The following RAPGEF2 variants were observed in gnomAD, a reference collection of about 807,000 sequenced individuals.
The protein encoded by RAPGEF2 is PDZ domain containing guanine nucleotide exchange factor (GEF) 1.
RAPGEF2 carries 54 observed loss-of-function variants against 186.7 expected under a neutral mutation model. The ratio of observed to expected loss-of-function variants is 0.29; its 90% CI spans 0.23 to 0.36. The LOEUF (loss-of-function observed/expected upper bound fraction) is 0.36, where lower values mean the gene tolerates loss of function less well. RAPGEF2 is among the 10% of genes least tolerant of loss of function. The pLI is 1.00. For synonymous variants in RAPGEF2, 712 were observed against 705.9 expected (o/e 1.01, Z -0.14); for missense variants, 1,532 against 2,045.0 (o/e 0.75, Z 4.84).
intron 11 of RAPGEF2, among the ~76,000 whole-genome samples, chr4:159,326,318 T>G (rs1765915099): frequency 6.6e-6 from 1 of 152,224 alleles, no homozygotes; most frequent in Non-Finnish European, 1.5e-5. Context: ...ATGCATAAAA[T>G]AGCCTCCATG....
intron 7 of RAPGEF2, among the ~76,000 whole-genome samples, chr4:159,251,035 T>A (rs1012815236): frequency 6.6e-6 from 1 of 152,170 alleles, no homozygotes; most frequent in Non-Finnish European, 1.5e-5. Context: ...CCGGTGCTGC[T>A]GGCCAGGGCA....
At chr4:159,334,630 A>T (rs1432804310) in intron 17 of RAPGEF2, among the ~76,000 whole-genome samples, 4 of 152,080 alleles carry the variant, frequency 2.6e-5, no homozygotes, top group African/African-American at 9.7e-5. Context: ...AAGAACCTTT[A>T]AAAAAAAGTT....
In RAPGEF2 at chr4:159,332,051, C is replaced by A. The variant is rs1369352648; in HGVS notation, c.1888+17C>A. The stretch of plus-strand genomic sequence containing the variant: ...ATTTATTTGGTAAGTATTTTGCATA[C>A]TTTTCATTTTTCTCCTTTTGGCCTT... On this transcript the variant is annotated intron_variant, in intron 16 of 29. Coordinates refer to ENST00000691494, the MANE Select transcript of RAPGEF2 (RefSeq NM_001394067.2). 2 of 1,511,830 alleles carry A rather than the reference C, an allele frequency of 1.3e-6. No individual in the cohort carries two copies. The highest frequency in any genetic ancestry group is 2.4e-5 in the South Asian group (2 of 82,120). 93.7% of individuals were successfully genotyped at this position (1,511,830 alleles called of 1,614,324 possible).
intron 1 of RAPGEF2, among the ~76,000 whole-genome samples, chr4:159,142,648 T>C (rs1742481126): frequency 1.3e-5 from 2 of 152,122 alleles, no homozygotes; most frequent in African/African-American, 4.8e-5. Context: ...AAATATATGT[T>C]TTAACATATA....
intron 13 of RAPGEF2, 190 bp downstream of exon 13, chr4:159,330,688 T>G (rs968856065): frequency 4.0e-6 from 2 of 498,962 alleles, no homozygotes; most frequent in Non-Finnish European, 6.9e-6. Flanking sequence ...CTTAGAAATA[T>G]GAACAAAATA....
chr4:159,129,152 C>T (rs1446404493), intron 1 of RAPGEF2, among the ~76,000 whole-genome samples: 2 of 151,610 alleles, frequency 1.3e-5, no homozygotes, highest in African/African-American at 4.8e-5. Context: ...GAATAAGAAT[C>T]TTGAATAGAA....
At chr4:159,127,284 C>T (rs1740451424) in intron 1 of RAPGEF2, among the ~76,000 whole-genome samples, 1 of 152,192 alleles carries the variant, frequency 6.6e-6, no homozygotes, top group Non-Finnish European at 1.5e-5. Flanking sequence ...GCCTTGGCCT[C>T]CCAAAGTGCT....
chr4:159,277,861 C>T (rs1355027417), intron 7 of RAPGEF2, among the ~76,000 whole-genome samples: 1 of 152,096 alleles, frequency 6.6e-6, no homozygotes, highest in Non-Finnish European at 1.5e-5. Context: ...AAAATTTTCT[C>T]CCGTTCTGTA....
chr4:159,124,786 T>C (rs1740101013), intron 1 of RAPGEF2, among the ~76,000 whole-genome samples: 1 of 152,182 alleles, frequency 6.6e-6, no homozygotes, highest in African/African-American at 2.4e-5. Context: ...TCTTTACAAA[T>C]ATACTCTGAG....
chr4:159,239,438 T>G (rs1030320668), intron 5 of RAPGEF2, among the ~76,000 whole-genome samples: 3 of 152,206 alleles, frequency 2.0e-5, no homozygotes, highest in African/African-American at 7.2e-5. Context: ...GAAAATCACT[T>G]GAATTTTTTC....
At chr4:159,112,522 G>A (rs1738608126) in intron 1 of RAPGEF2, among the ~76,000 whole-genome samples, 1 of 152,260 alleles carries the variant, frequency 6.6e-6, no homozygotes, top group African/African-American at 2.4e-5. Flanking sequence ...GGGACAGTTT[G>A]AGAAGCAAAT....
chr4:159,129,822 A>G (rs1039326566), intron 1 of RAPGEF2, among the ~76,000 whole-genome samples: 5 of 152,172 alleles, frequency 3.3e-5, no homozygotes, highest in Non-Finnish European at 7.3e-5. Flanking sequence ...GCAAGAAAGA[A>G]TTTGGGGTGA....
At chr4:159,255,358 T>TG (rs1474339682) in intron 7 of RAPGEF2, among the ~76,000 whole-genome samples, 7 of 148,166 alleles carry the variant, frequency 4.7e-5, no homozygotes, top group Non-Finnish European at 8.9e-5. Flanking sequence ...AATATATAGT[T>TG]TTTTTTTTTT....
chr4:159,149,125 C>G (rs540023995), intron 1 of RAPGEF2, among the ~76,000 whole-genome samples: 5 of 152,278 alleles, frequency 3.3e-5, no homozygotes, highest in African/African-American at 9.6e-5. Flanking sequence ...CTGGGAAATA[C>G]TGTTCTAAAT....
chr4:159,204,920 G>T (rs1164873823), intron 3 of RAPGEF2, among the ~76,000 whole-genome samples: 2 of 152,094 alleles, frequency 1.3e-5, no homozygotes. Context: ...GGTAGTGTCA[G>T]GTTATTTGGA....
intron 4 of RAPGEF2, among the ~76,000 whole-genome samples, chr4:159,218,864 T>C (rs991670890): frequency 2.0e-5 from 3 of 152,196 alleles, no homozygotes; most frequent in African/African-American, 7.2e-5. Context: ...ACTAAGTGTG[T>C]AAGAACTGCT....
chr4:159,219,200 G>T (rs1339501533), intron 4 of RAPGEF2, among the ~76,000 whole-genome samples: 1 of 152,028 alleles, frequency 6.6e-6, no homozygotes, highest in Non-Finnish European at 1.5e-5. Flanking sequence ...TGACATACCC[G>T]TATTAGTTTT....
intron 7 of RAPGEF2, among the ~76,000 whole-genome samples, chr4:159,301,186 A>C (rs1330699605): frequency 6.6e-6 from 1 of 152,108 alleles, no homozygotes; most frequent in East Asian, 1.9e-4. Flanking sequence ...CAGCTTGGCC[A>C]ACATGGTGAA....
At chr4:159,358,090 T>A in intron 29 of RAPGEF2, 24 bp from the exon 30 acceptor site, 1 of 1,609,738 alleles carries the variant, frequency 6.2e-7, no homozygotes, top group South Asian at 1.1e-5. Context: ...ATTGATTTCT[T>A]TTTCTTCCCT....
Sources: allele counts gnomAD v4.1 joint callset (sites outside exome capture counted in the v4.1 genomes callset), GRCh38; gene constraint gnomAD v4.1.1; transcripts MANE v1.5; gene names NCBI Gene and HGNC (gene_info 2026-07-23, HGNC 2026-07-21).